NXPH1: variants seen among roughly 807,000 people sequenced by gnomAD.
The protein encoded by NXPH1 is neurexophilin 1.
NXPH1 carries 5 observed loss-of-function variants against 23.7 expected under a neutral mutation model. That is an observed-to-expected ratio of 0.21 (90% CI 0.11 to 0.44). The LOEUF (loss-of-function observed/expected upper bound fraction) is 0.44, where lower values mean the gene tolerates loss of function less well. Among genes scored for constraint, NXPH1 ranks in the 20% least tolerant of loss-of-function variants. The pLI is 0.99. For missense variants in NXPH1, 324 were observed against 321.6 expected, an observed-to-expected ratio of 1.01 and a Z score of -0.06; for synonymous variants, 144 against 122.2, an observed-to-expected ratio of 1.18 and a Z score of -1.18.
chr7:8,571,483 GA>G (rs1268410770), intron 2 of NXPH1, among the ~76,000 whole-genome samples: 49 of 151,900 alleles, frequency 3.2e-4, no homozygotes, highest in African/African-American at 1.2e-3. Context: ...CAGCCTGTAG[GA>G]CATGGAAGAT....
chr7:8,453,646 A>G (rs1816543136), intron 2 of NXPH1, among the ~76,000 whole-genome samples: 1 of 152,128 alleles, frequency 6.6e-6, no homozygotes, highest in South Asian at 2.1e-4. Context: ...CTCAGAAGTG[A>G]GTAATTCCTC....
chr7:8,445,114 A>G (rs554797769), intron 2 of NXPH1, among the ~76,000 whole-genome samples: 1 of 152,340 alleles, frequency 6.6e-6, no homozygotes, highest in African/African-American at 2.4e-5. Context: ...TCTTTTATTT[A>G]TATTTATGTA....
chr7:8,610,251 G>A (rs1346368586), intron 2 of NXPH1, among the ~76,000 whole-genome samples: 1 of 152,070 alleles, frequency 6.6e-6, no homozygotes, highest in African/African-American at 2.4e-5. Flanking sequence ...TTAATGCATA[G>A]GTTGATATAT....
chr7:8,719,918 A>G (rs535541281), intron 2 of NXPH1, among the ~76,000 whole-genome samples: 21 of 152,288 alleles, frequency 1.4e-4, no homozygotes, highest in African/African-American at 5.1e-4. Flanking sequence ...ACACTGGGAC[A>G]GGGGGATTCT....
intron 2 of NXPH1, among the ~76,000 whole-genome samples, chr7:8,564,254 A>T (rs988053815): frequency 1.3e-5 from 2 of 151,816 alleles, no homozygotes; most frequent in Non-Finnish European, 2.9e-5. Flanking sequence ...GATTCAAGCC[A>T]ATTGCAAAAT....
intron 2 of NXPH1, among the ~76,000 whole-genome samples, chr7:8,586,719 AT>A (rs1301739249): frequency 2.0e-5 from 3 of 151,858 alleles, no homozygotes; most frequent in African/African-American, 7.3e-5. Context: ...AAAAGTAGTG[AT>A]TTTCAAAACT....
chr7:8,437,024 C>T (rs543658451), intron 2 of NXPH1, among the ~76,000 whole-genome samples: 1 of 152,192 alleles, frequency 6.6e-6, no homozygotes, highest in Non-Finnish European at 1.5e-5. Context: ...ATCCAAGAAC[C>T]CTCAATGTTG....
intron 2 of NXPH1, among the ~76,000 whole-genome samples, chr7:8,489,860 C>A (rs1282034463): frequency 6.6e-6 from 1 of 152,102 alleles, no homozygotes; most frequent in Non-Finnish European, 1.5e-5. Context: ...GAGAATTTCT[C>A]TGCATCTCAA....
intron 2 of NXPH1, among the ~76,000 whole-genome samples, chr7:8,601,645 T>C (rs983584754): frequency 6.6e-6 from 1 of 152,154 alleles, no homozygotes; most frequent in African/African-American, 2.4e-5. Flanking sequence ...CCATAAGAGG[T>C]ACATCTACTC....
chr7:8,746,124 A>T (rs1190262558), intron 2 of NXPH1, among the ~76,000 whole-genome samples: 1 of 152,032 alleles, frequency 6.6e-6, no homozygotes, highest in African/African-American at 2.4e-5. Flanking sequence ...TCTTTATTCC[A>T]CTCAATATTC....
intron 2 of NXPH1, among the ~76,000 whole-genome samples, chr7:8,583,991 G>A (rs2128624191): frequency 6.6e-6 from 1 of 152,268 alleles, no homozygotes; most frequent in African/African-American, 2.4e-5. Context: ...ACATGGCTGA[G>A]CCTGTCAGTT....
chr7:8,546,746 G>A (rs1818202839), intron 2 of NXPH1, among the ~76,000 whole-genome samples: 1 of 151,338 alleles, frequency 6.6e-6, no homozygotes, highest in African/African-American at 2.4e-5. Context: ...CCATAAGCTT[G>A]TCTAGGTTTC....
chr7:8,625,696 C>A (rs1400985226), intron 2 of NXPH1, among the ~76,000 whole-genome samples: 1 of 152,064 alleles, frequency 6.6e-6, no homozygotes, highest in African/African-American at 2.4e-5. Flanking sequence ...TGGCTCATCA[C>A]CAGTTTTCTT....
intron 2 of NXPH1, among the ~76,000 whole-genome samples, chr7:8,599,928 TA>T (rs60037151): frequency 0.075 from 11,371 of 152,026 alleles, 685 homozygotes; most frequent in East Asian, 0.2. Flanking sequence ...ATGCAGATGC[TA>T]AAATAGGTTA....
intron 2 of NXPH1, among the ~76,000 whole-genome samples, chr7:8,486,741 A>G (rs1455064944): frequency 6.6e-6 from 1 of 152,082 alleles, no homozygotes; most frequent in Non-Finnish European, 1.5e-5. Flanking sequence ...TGGCATACAT[A>G]ATGTTCTTTC....
chr7:8,448,806 C>T (rs1285683122), intron 2 of NXPH1, among the ~76,000 whole-genome samples: 1 of 119,816 alleles, frequency 8.3e-6, no homozygotes, highest in Non-Finnish European at 1.6e-5. Flanking sequence ...CAGAGCAAGA[C>T]TTCGTCTCGG....
chr7:8,746,304 G>T (rs952820299), intron 2 of NXPH1, among the ~76,000 whole-genome samples: 1 of 152,110 alleles, frequency 6.6e-6, no homozygotes, highest in African/African-American at 2.4e-5. Flanking sequence ...AAGGACTGAG[G>T]GAATAAGAAT....
intron 2 of NXPH1, among the ~76,000 whole-genome samples, chr7:8,467,580 G>T (rs906054373): frequency 6.6e-6 from 1 of 152,110 alleles, no homozygotes; most frequent in African/African-American, 2.4e-5. Flanking sequence ...TTAAGTGAGG[G>T]ATATATAGCG....
chr7:8,532,393 C>T (rs1817961075), intron 2 of NXPH1, among the ~76,000 whole-genome samples: 1 of 131,694 alleles, frequency 7.6e-6, no homozygotes, highest in South Asian at 2.3e-4. Context: ...CAGCCTGCCC[C>T]TATGTTGTAC....
Sources: allele counts gnomAD v4.1 joint callset (sites outside exome capture counted in the v4.1 genomes callset), GRCh38; gene constraint gnomAD v4.1.1; transcripts MANE v1.5; gene names NCBI Gene and HGNC (gene_info 2026-07-23, HGNC 2026-07-21).